The following MFN1 variants were observed in gnomAD, a reference collection of about 807,000 sequenced individuals.
MFN1 encodes the protein mitofusin-1.
In MFN1, 65 loss-of-function variants were observed where a neutral mutation model predicts 92.4. That is an observed-to-expected ratio of 0.70 (90% CI 0.58 to 0.86). The LOEUF (loss-of-function observed/expected upper bound fraction) is 0.86, where lower values mean the gene tolerates loss of function less well. Ranked by LOEUF, MFN1 falls within the 40% of genes least tolerant of loss-of-function variation. The probability of loss-of-function intolerance (pLI) is 0.00; values close to 1 mark genes in which losing one functional copy is unlikely to be tolerated. For missense variants in MFN1, 781 were observed against 868.0 expected, an observed-to-expected ratio of 0.90 and a Z score of 1.26; for synonymous variants, 297 against 300.9, an observed-to-expected ratio of 0.99 and a Z score of 0.13.
intron 14 of MFN1, among the ~76,000 whole-genome samples, chr3:179,379,644 G>A (rs534445133): frequency 6.6e-6 from 1 of 152,348 alleles, no homozygotes; most frequent in Admixed American, 6.5e-5. Flanking sequence ...GTGAGCCACA[G>A]CACCCAGGCT....
chr3:179,375,546 C>T (rs1281843343), intron 10 of MFN1, among the ~76,000 whole-genome samples: 1 of 152,134 alleles, frequency 6.6e-6, no homozygotes, highest in Non-Finnish European at 1.5e-5. Flanking sequence ...TCATTTATAT[C>T]CCCTGGACCT....
intron 14 of MFN1, among the ~76,000 whole-genome samples, chr3:179,382,936 T>C (rs565146198): frequency 2.0e-5 from 3 of 152,318 alleles, no homozygotes; most frequent in Admixed American, 6.5e-5. Flanking sequence ...TCTTGTAAAT[T>C]TGTTTGAGTT....
In MFN1 at chr3:179,365,223, G is replaced by T; in HGVS notation, c.751G>T (p.Asp251Tyr). Residue 251 changes from aspartate to tyrosine, a missense_variant and splice_region_variant, in exon 7 of 18, where the codon GAC becomes TAC. Asp to Tyr is a radical substitution (Grantham distance 160). Transcript: ENST00000471841. ...TGCATCAGAGCCAGAATATATGGAAGACGTAAGTTGTTATTTTTTTTTTTG... is the reference window on the plus strand; with the variant it reads ...TGCATCAGAGCCAGAATATATGGAATACGTAAGTTGTTATTTTTTTTTTTG... The part of the protein sequence containing the change: ...ASASEPEYME[D>Y]VRRQHMERCL... 1 of 1,515,792 alleles carries T rather than the reference G, an allele frequency of 6.6e-7. No homozygotes were observed. The highest frequency in any genetic ancestry group is 1.3e-5 in the South Asian group (1 of 76,686). 93.9% of individuals were successfully genotyped at this position (1,515,792 alleles called of 1,614,324 possible).
intron 7 of MFN1, 94 bp from the exon 8 acceptor site, chr3:179,367,345 T>C: frequency 9.7e-7 from 1 of 1,034,756 alleles, no homozygotes; most frequent in Non-Finnish European, 1.3e-6. Flanking sequence ...ACTTTTATTA[T>C]ATCACTGTGA....
intron 16 of MFN1, among the ~76,000 whole-genome samples, chr3:179,388,054 G>C (rs1431601759): frequency 2.0e-5 from 3 of 149,764 alleles, no homozygotes; most frequent in African/African-American, 7.4e-5. Context: ...AATTTTTTTT[G>C]TATTTTTTTT....
chr3:179,363,757 A>G (rs1377786179), intron 5 of MFN1, among the ~76,000 whole-genome samples: 1 of 152,118 alleles, frequency 6.6e-6, no homozygotes, highest in African/African-American at 2.4e-5. Context: ...CCAAAATGCT[A>G]GGATTATAGG....
intron 9 of MFN1, among the ~76,000 whole-genome samples, chr3:179,373,482 C>T (rs962393961): frequency 9.9e-5 from 15 of 151,832 alleles, no homozygotes; most frequent in African/African-American, 2.9e-4. Flanking sequence ...TATAGAGGTT[C>T]GAGAAGATGA....
intron 9 of MFN1, among the ~76,000 whole-genome samples, chr3:179,370,710 T>G (rs1228605788): frequency 6.6e-6 from 1 of 152,164 alleles, no homozygotes. Context: ...GTGCCTGGCC[T>G]GTGTTCGTCT....
chr3:179,365,830 T>C (rs761278518), intron 7 of MFN1, among the ~76,000 whole-genome samples: 1 of 152,224 alleles, frequency 6.6e-6, no homozygotes, highest in Non-Finnish European at 1.5e-5. Context: ...TATGTGTCCA[T>C]ATTATTGTGC....
intron 10 of MFN1, 71 bp from the exon 11 acceptor site, chr3:179,376,971 T>G: frequency 1.1e-5 from 17 of 1,498,210 alleles, no homozygotes; most frequent in East Asian, 4.6e-5. Flanking sequence ...AATACATGAA[T>G]GAGTCCCTTG....
In MFN1 at chr3:179,377,402, G is replaced by A. The variant is rs376693459; in HGVS notation, c.1283G>A (p.Cys428Tyr). ...CRLSVLVDEFCSEFHPNPDVL... is the reference protein window; with the variant it reads ...CRLSVLVDEFYSEFHPNPDVL... ...CTGTCTGTTTTGGTTGATGAATTTTGTTCAGAGTTTCATCCTAATCCAGAT... is the reference window on the plus strand; with the variant it reads ...CTGTCTGTTTTGGTTGATGAATTTTATTCAGAGTTTCATCCTAATCCAGAT... The change falls in exon 12 of 18, where the codon TGT (cysteine) becomes TAT (tyrosine). Residue 428 changes from cysteine to tyrosine, a missense_variant. Transcript: ENST00000471841. 7 of 1,608,952 alleles carry A rather than the reference G, an allele frequency of 4.4e-6. No homozygotes were observed. Among genetic ancestry groups the A allele is most frequent in the Non-Finnish European group, 5.1e-6 (6 of 1,177,734 alleles).
At position 179,390,029 on chromosome 3, in the gene MFN1, C is replaced by A; in HGVS notation, c.2038C>A (p.Leu680Met). The A allele has an allele frequency of 6.2e-7, 1 of 1,602,350 alleles. No individual in the cohort carries two copies. The highest frequency in any genetic ancestry group is 8.5e-7 in the Non-Finnish European group (1 of 1,176,676). Residue 680 changes from leucine to methionine, a missense_variant, in exon 17 of 18, where the codon CTG becomes ATG. By Grantham distance (15) the Leu-to-Met change is conservative. Coordinates refer to ENST00000471841, the MANE Select transcript of MFN1 (RefSeq NM_033540.3). ...KQQIATTFAR[L>M]CQQVDITQKQ... is the part of the protein sequence containing the mutation. Reference sequence around the variant, plus strand: ...ACAAATAGCTACCACTTTTGCTCGCCTGTGCCAACAAGTTGATATTACTCA... The same window carrying A: ...ACAAATAGCTACCACTTTTGCTCGCATGTGCCAACAAGTTGATATTACTCA...
intron 16 of MFN1, among the ~76,000 whole-genome samples, chr3:179,388,976 T>C (rs570229593): frequency 2.0e-5 from 3 of 152,342 alleles, no homozygotes; most frequent in African/African-American, 7.2e-5. Flanking sequence ...TGTCAACACT[T>C]AGTTCTAGAA....
At chr3:179,365,583 T>A (rs1712755496) in intron 7 of MFN1, among the ~76,000 whole-genome samples, 1 of 152,162 alleles carries the variant, frequency 6.6e-6, no homozygotes, top group Non-Finnish European at 1.5e-5. Context: ...TTTACAAATT[T>A]AACACACCTG....
chr3:179,362,359 CAGTT>C lies in MFN1; in HGVS notation c.415_418del (p.Val139IlefsTer13), dbSNP rs1164316492. 1 of 1,603,986 alleles carries C rather than the reference CAGTT, an allele frequency of 6.2e-7. No individual in the cohort carries two copies. Among genetic ancestry groups the C allele is most frequent in the Non-Finnish European group, 8.5e-7 (1 of 1,176,600 alleles). On this transcript the variant is annotated frameshift_variant and splice_region_variant, in exon 5 of 18. Coordinates refer to ENST00000471841, the MANE Select transcript of MFN1 (RefSeq NM_033540.3). LOFTEE classifies it high-confidence loss of function. ...TTTTTTCTTTTCCTCCTGCTTTAGA[CAGTT>C]AATCAACTGGCCCATGCCCTTCACA... is the stretch of plus-strand genomic sequence containing the variant.
Position 179,365,126 on chromosome 3 carries a change from C to CT in MFN1, c.660dup (p.His221SerfsTer5). 1 of 1,529,576 alleles carries CT rather than the reference C, an allele frequency of 6.5e-7. No homozygotes were observed. Among genetic ancestry groups the CT allele is most frequent in the Non-Finnish European group, 8.7e-7 (1 of 1,148,410 alleles). The allele number at this position is 1,529,576 out of a possible 1,614,324, so 94.8% of individuals were successfully genotyped here. On this transcript the variant is annotated frameshift_variant, in exon 7 of 18. Transcript: ENST00000471841. LOFTEE classifies it high-confidence loss of function. ...TTTTTTTTGTTTTTCAGGAAAAACA[C>CT]TTTTTTCACAAGGTGAATGAGCGGC...
At chr3:179,389,854 C>T (rs1713834319) in intron 16 of MFN1, 150 bp from the exon 17 acceptor site, 3 of 654,036 alleles carry the variant, frequency 4.6e-6, no homozygotes, top group East Asian at 3.0e-5. Flanking sequence ...CCACTAGTGC[C>T]ATATCTTCCC....
intron 16 of MFN1, among the ~76,000 whole-genome samples, chr3:179,387,527 CAG>C (rs921657935): frequency 6.7e-5 from 10 of 148,452 alleles, no homozygotes; most frequent in Middle Eastern, 3.5e-3. Flanking sequence ...GCCTGGGCGA[CAG>C]AGTGAGAGAC....
At chr3:179,387,524 C>T (rs879466640) in intron 16 of MFN1, among the ~76,000 whole-genome samples, 29 of 147,512 alleles carry the variant, frequency 2.0e-4, no homozygotes, top group Non-Finnish European at 3.0e-4. Flanking sequence ...CCAGCCTGGG[C>T]GACAGAGTGA....
Sources: allele counts gnomAD v4.1 joint callset (sites outside exome capture counted in the v4.1 genomes callset), GRCh38; gene constraint gnomAD v4.1.1; transcripts MANE v1.5; gene names NCBI Gene and HGNC (gene_info 2026-07-23, HGNC 2026-07-21).